COIL: variants seen among roughly 807,000 people sequenced by gnomAD.
COIL encodes the protein coilin.
In COIL, 28 loss-of-function variants were observed where a neutral mutation model predicts 51.6. The ratio of observed to expected loss-of-function variants is 0.54; its 90% CI spans 0.40 to 0.74. The LOEUF is 0.74. COIL is among the 30% of genes least tolerant of loss of function. The probability of loss-of-function intolerance (pLI) is 0.00; values close to 1 mark genes in which losing one functional copy is unlikely to be tolerated. For missense variants in COIL, 667 were observed against 685.9 expected (o/e 0.97, Z 0.31); for synonymous variants, 233 against 255.8 (o/e 0.91, Z 0.85).
Position 56,950,273 on chromosome 17 carries a change from T to A in COIL, c.969A>T (p.Ser323=). 6.2e-7 allele frequency: 1 copy of A among 1,614,234 alleles called. No individual in the cohort carries two copies. Among genetic ancestry groups the A allele is most frequent in the Non-Finnish European group, 8.5e-7 (1 of 1,180,032 alleles). Residue 323 remains serine, a synonymous_variant, in exon 2 of 7, where the codon TCA becomes TCT. Coordinates refer to ENST00000240316, the MANE Select transcript of COIL (RefSeq NM_004645.3). ...TCGATGACATCAAGCATTGGTCGTC[T>A]GACTCTGCACTAGAGTCTGAACTGG... ...TSSSSDSSAE[S]DDQCLMSSST... is the part of the protein sequence containing the mutation.
chr17:56,939,014 G>A lies in COIL; in HGVS notation c.*57C>T. Reference sequence around the variant, plus strand: ...TCTTTAAAAAAAAAAAAAAGTTTGGGTTATAGTCACTTTCACAAACAAGAC... The same window carrying A: ...TCTTTAAAAAAAAAAAAAAGTTTGGATTATAGTCACTTTCACAAACAAGAC... On this transcript the variant is annotated 3_prime_UTR_variant, in exon 7 of 7. Coordinates refer to ENST00000240316, the MANE Select transcript of COIL (RefSeq NM_004645.3). 9.8e-7 allele frequency: 1 copy of A among 1,019,588 alleles called. No individual in the cohort carries two copies. The highest frequency in any genetic ancestry group is 1.5e-6 in the Non-Finnish European group (1 of 673,264). The allele number at this position is 1,019,588 out of a possible 1,614,324, so 63.2% of individuals were successfully genotyped here. A position where few individuals can be genotyped will look rare whatever the true frequency, so the allele number is the denominator to read the frequency against.
intron 4 of COIL, among the ~76,000 whole-genome samples, chr17:56,947,502 G>A (rs893737590): frequency 3.9e-5 from 6 of 152,072 alleles, no homozygotes; most frequent in East Asian, 1.9e-4. Flanking sequence ...TAAGAGTCTC[G>A]TTTTGTCACC....
chr17:56,956,630 C>A (rs1353958153), intron 1 of COIL, among the ~76,000 whole-genome samples: 8 of 151,828 alleles, frequency 5.3e-5, no homozygotes, highest in Admixed American at 4.6e-4. Flanking sequence ...CTCACTCTGT[C>A]GCCCAGGCTG....
intron 6 of COIL, among the ~76,000 whole-genome samples, chr17:56,939,707 T>C (rs1033201381): frequency 1.3e-5 from 2 of 152,178 alleles, no homozygotes; most frequent in African/African-American, 4.8e-5. Flanking sequence ...GCCACTGCAC[T>C]CCAGCCTGGG....
At chr17:56,957,251 A>T (rs866284268) in intron 1 of COIL, among the ~76,000 whole-genome samples, 1 of 151,622 alleles carries the variant, frequency 6.6e-6, no homozygotes, top group African/African-American at 2.4e-5. Context: ...TGTCTCAAAA[A>T]ATAAGGGAGT....
intron 1 of COIL, chr17:56,952,185 TG>T: frequency 4.0e-6 from 2 of 497,794 alleles, no homozygotes; most frequent in Admixed American, 2.1e-5. Context: ...ATCATAGAGC[TG>T]GGAAAACTGT....
chr17:56,943,226 C>G (rs530690987), intron 5 of COIL, among the ~76,000 whole-genome samples: 1 of 152,198 alleles, frequency 6.6e-6, no homozygotes, highest in Non-Finnish European at 1.5e-5. Flanking sequence ...ACATTTTATC[C>G]TTTGAACTTC....
intron 4 of COIL, among the ~76,000 whole-genome samples, chr17:56,948,486 C>T (rs1183038150): frequency 6.6e-6 from 1 of 151,890 alleles, no homozygotes; most frequent in Non-Finnish European, 1.5e-5. Flanking sequence ...AGGCATCAAT[C>T]CAGATTAAAT....
Position 56,960,756 on chromosome 17 carries a change from C to A in COIL, c.245+19G>T, listed in dbSNP as rs766709937. 3 of 1,533,768 alleles carry A rather than the reference C, an allele frequency of 2.0e-6. No homozygotes were observed. Among genetic ancestry groups the A allele is most frequent in the South Asian group, 1.2e-5 (1 of 83,506 alleles). ...CCGCCCGCCGCCCACCCGGCCGTCC[C>A]GCTCCCTGCGCCGCGCACCTGAGGC... is the stretch of plus-strand genomic sequence containing the variant. On this transcript the variant is annotated intron_variant, in intron 1 of 6. Coordinates refer to ENST00000240316, the MANE Select transcript of COIL (RefSeq NM_004645.3).
In COIL at chr17:56,949,897, T is replaced by C. The variant is rs772790668; in HGVS notation, c.1345A>G (p.Ile449Val). The change falls in exon 2 of 7, where the codon ATT becomes GTT. Residue 449 changes from isoleucine to valine, a missense_variant. Transcript: ENST00000240316. ...LNDVVKNSST[I>V]IQNPVETPKK... ...CAAAAAATAATACTTACCTGGATAA[T>C]AGTAGATGAATTTTTTACCACGTCA... 3.7e-6 allele frequency: 6 copies of C among 1,611,926 alleles called. No homozygotes were observed. In the East Asian group the frequency reaches 8.9e-5, roughly 24 times the overall value.
intron 1 of COIL, among the ~76,000 whole-genome samples, chr17:56,954,595 C>T (rs1910449822): frequency 6.6e-6 from 1 of 151,904 alleles, no homozygotes; most frequent in Admixed American, 6.6e-5. Flanking sequence ...GCATCTACAG[C>T]TATTTGGCTT....
intron 5 of COIL, among the ~76,000 whole-genome samples, chr17:56,944,013 G>A (rs2144392823): frequency 1.3e-5 from 2 of 151,196 alleles, no homozygotes; most frequent in Non-Finnish European, 2.9e-5. Flanking sequence ...CTACAAGCAT[G>A]TACCACCACA....
chr17:56,949,687 T>C lies in COIL; in HGVS notation c.1434A>G (p.Ala478=). 1 of 1,613,354 alleles carries C rather than the reference T, an allele frequency of 6.2e-7. No homozygotes were observed. Among genetic ancestry groups the C allele is most frequent in the African/African-American group, 1.3e-5 (1 of 75,054 alleles). Reference sequence around the variant, plus strand: ...CTGTTCTTTTGAAATATACCTTAAATGCAATCTTTTCTCCAACTTGAGGGG... The same window carrying C: ...CTGTTCTTTTGAAATATACCTTAAACGCAATCTTTTCTCCAACTTGAGGGG... The part of the protein sequence containing the change: ...AAAPQVGEKI[A]FKLLELTSSY... Residue 478 remains alanine (A), a synonymous_variant, in exon 3 of 7, where the codon GCA becomes GCG. Transcript: ENST00000240316.
In COIL at chr17:56,950,175, C is replaced by G; in HGVS notation, c.1067G>C (p.Gly356Ala). 1 of 1,614,140 alleles carries G rather than the reference C, an allele frequency of 6.2e-7. No individual in the cohort carries two copies. Among genetic ancestry groups the G allele is most frequent in the Non-Finnish European group, 8.5e-7 (1 of 1,180,022 alleles). Residue 356 changes from glycine to alanine, a missense_variant, in exon 2 of 7, where the codon GGG (glycine) becomes GCG (alanine). Gly to Ala is a moderately conservative substitution (Grantham distance 60). Coordinates refer to ENST00000240316, the MANE Select transcript of COIL (RefSeq NM_004645.3). ...AGCACCTGCAGTCTGTGATGACAGC[C>G]CTGGGCCTGGACGACCTCTTCCTGC... The part of the protein sequence containing the change: ...LFAGRGRPGP[G>A]LSSQTAGAAG...
chr17:56,953,645 A>C (rs1042015837), intron 1 of COIL, among the ~76,000 whole-genome samples: 1 of 152,162 alleles, frequency 6.6e-6, no homozygotes, highest in Non-Finnish European at 1.5e-5. Context: ...CATATTTGAA[A>C]ATAAAGAACA....
rs753854237 is a variant in COIL at position 56,950,612 on chromosome 17, G to T, written c.630C>A (p.Asp210Glu). The T allele has an allele frequency of 1.2e-6, 2 of 1,614,034 alleles. No homozygotes were observed. The highest frequency in any genetic ancestry group is 1.7e-6 in the Non-Finnish European group (2 of 1,180,026). The change falls in exon 2 of 7, where the codon GAC becomes GAA. Residue 210 changes from aspartate (D) to glutamate (E), a missense_variant. Transcript: ENST00000240316. Reference sequence around the variant, plus strand: ...GAGAACTACATCTCTGATTGGCCCAGTCTTTCACTGCCTGTACTTTCGGAG... The same window carrying T: ...GAGAACTACATCTCTGATTGGCCCATTCTTTCACTGCCTGTACTTTCGGAG... The part of the protein sequence containing the change: ...PKSPKVQAVK[D>E]WANQRCSSPK...
At chr17:56,955,839 T>C (rs1360823704) in intron 1 of COIL, among the ~76,000 whole-genome samples, 2 of 152,244 alleles carry the variant, frequency 1.3e-5, no homozygotes, top group Non-Finnish European at 2.9e-5. Context: ...TATATGTACC[T>C]TCTCTTAGAC....
At chr17:56,940,227 AC>A in intron 6 of COIL, 1 of 151,660 alleles carries the variant, frequency 6.6e-6, no homozygotes, top group South Asian at 2.1e-4. Flanking sequence ...CGCCCCCACC[AC>A]CCCCAAAGGT....
At chr17:56,945,654 C>A (rs542729391) in intron 5 of COIL, among the ~76,000 whole-genome samples, 2 of 152,216 alleles carry the variant, frequency 1.3e-5, no homozygotes, top group South Asian at 4.1e-4. Flanking sequence ...CTGAATAGAG[C>A]TCTTTTTTTA....
Sources: allele counts gnomAD v4.1 joint callset (sites outside exome capture counted in the v4.1 genomes callset), GRCh38; gene constraint gnomAD v4.1.1; transcripts MANE v1.5; gene names NCBI Gene and HGNC (gene_info 2026-07-23, HGNC 2026-07-21).